Variants in SIPA1L1 observed in about 807,000 individuals in gnomAD.
The protein encoded by SIPA1L1 is signal-induced proliferation-associated 1-like protein 1.
SIPA1L1 carries 26 observed loss-of-function variants against 162.7 expected under a neutral mutation model. That is an observed-to-expected ratio of 0.16 (90% confidence interval 0.12 to 0.22). SIPA1L1 has a LOEUF of 0.22. SIPA1L1 is among the 10% of genes least tolerant of loss of function. The pLI is 1.00. For missense variants in SIPA1L1, 1,874 were observed against 2,241.0 expected, an observed-to-expected ratio of 0.84 and a Z score of 3.31; for synonymous variants, 829 against 837.4, an observed-to-expected ratio of 0.99 and a Z score of 0.17.
intron 7 of SIPA1L1, among the ~76,000 whole-genome samples, chr14:71,627,944 T>A (rs1456234843): frequency 3.3e-5 from 5 of 152,210 alleles, no homozygotes; most frequent in Non-Finnish European, 7.3e-5. Context: ...TTTTTTAATT[T>A]CTAACTAGGA....
intron 2 of SIPA1L1, among the ~76,000 whole-genome samples, chr14:71,440,000 C>T (rs986573130): frequency 3.9e-5 from 6 of 152,186 alleles, no homozygotes; most frequent in Non-Finnish European, 8.8e-5. Flanking sequence ...CAGTCATATA[C>T]AGGCCTTGCC....
At chr14:71,638,937 GC>G (rs2041432505) in intron 7 of SIPA1L1, among the ~76,000 whole-genome samples, 1 of 152,144 alleles carries the variant, frequency 6.6e-6, no homozygotes, top group South Asian at 2.1e-4. Context: ...GATAGCCTGT[GC>G]CTATAATCCC....
At chr14:71,489,599 A>G (rs577699575) in intron 2 of SIPA1L1, among the ~76,000 whole-genome samples, 1 of 152,300 alleles carries the variant, frequency 6.6e-6, no homozygotes, top group East Asian at 1.9e-4. Flanking sequence ...TGCCTAAATC[A>G]GGGATGTCCA....
chr14:71,348,701 A>T (rs1401893963), intron 2 of SIPA1L1, among the ~76,000 whole-genome samples: 2 of 152,232 alleles, frequency 1.3e-5, no homozygotes, highest in African/African-American at 4.8e-5. Context: ...AACTAAAAAG[A>T]GGCTAAACCC....
intron 2 of SIPA1L1, among the ~76,000 whole-genome samples, chr14:71,510,348 A>G (rs1325410891): frequency 6.6e-6 from 1 of 151,436 alleles, no homozygotes; most frequent in Non-Finnish European, 1.5e-5. Context: ...CACCACGCCC[A>G]GCTAATTTTT....
At chr14:71,704,330 A>G (rs1395857490) in intron 15 of SIPA1L1, among the ~76,000 whole-genome samples, 1 of 152,216 alleles carries the variant, frequency 6.6e-6, no homozygotes, top group East Asian at 1.9e-4. Flanking sequence ...TAAGAACAGC[A>G]TTCTCTAATG....
chr14:71,330,013 T>C (rs2034328923), intron 2 of SIPA1L1, among the ~76,000 whole-genome samples: 1 of 152,190 alleles, frequency 6.6e-6, no homozygotes, highest in Non-Finnish European at 1.5e-5. Context: ...AAGATTCTTT[T>C]GGCGACTGAT....
chr14:71,459,592 CTG>C (rs1256320512), intron 2 of SIPA1L1, among the ~76,000 whole-genome samples: 1 of 152,084 alleles, frequency 6.6e-6, no homozygotes, highest in African/African-American at 2.4e-5. Flanking sequence ...AACTTGGAGT[CTG>C]ATGTTCAAGG....
intron 7 of SIPA1L1, among the ~76,000 whole-genome samples, chr14:71,632,553 G>A (rs556113821): frequency 5.3e-5 from 8 of 152,298 alleles, no homozygotes; most frequent in South Asian, 2.1e-4. Flanking sequence ...CTTTCATCAC[G>A]GTGGAGTGGT....
At chr14:71,706,058 A>C (rs2082414795) in intron 16 of SIPA1L1, among the ~76,000 whole-genome samples, 1 of 152,168 alleles carries the variant, frequency 6.6e-6, no homozygotes, top group African/African-American at 2.4e-5. Flanking sequence ...ATTGTATTTC[A>C]TGCTTACTAG....
intron 12 of SIPA1L1, among the ~76,000 whole-genome samples, chr14:71,680,941 G>A (rs2045744424): frequency 6.6e-6 from 1 of 152,134 alleles, no homozygotes; most frequent in African/African-American, 2.4e-5. Flanking sequence ...TGATCCGTGG[G>A]GGTGGAGCCC....
At chr14:71,550,893 A>G (rs999611047) in intron 4 of SIPA1L1, among the ~76,000 whole-genome samples, 7 of 152,140 alleles carry the variant, frequency 4.6e-5, no homozygotes, top group Non-Finnish European at 1.0e-4. Context: ...TCTACAAAAA[A>G]TAAAGATTAG....
chr14:71,521,291 A>G (rs557099511), intron 3 of SIPA1L1, among the ~76,000 whole-genome samples: 1 of 152,348 alleles, frequency 6.6e-6, no homozygotes, highest in South Asian at 2.1e-4. Context: ...ATTAAGACCC[A>G]AAGAAGCAGG....
intron 5 of SIPA1L1, among the ~76,000 whole-genome samples, chr14:71,604,929 T>C (rs1187100564): frequency 6.6e-5 from 10 of 152,166 alleles, no homozygotes; most frequent in Admixed American, 6.5e-4. Context: ...CTAAATCTCT[T>C]GCTAGACTTG....
intron 2 of SIPA1L1, among the ~76,000 whole-genome samples, chr14:71,402,007 C>T (rs2041706034): frequency 6.6e-6 from 1 of 151,982 alleles, no homozygotes; most frequent in Admixed American, 6.6e-5. Flanking sequence ...CTGCATAATA[C>T]AATGGTAGAA....
At chr14:71,634,228 C>G (rs2040883501) in intron 7 of SIPA1L1, among the ~76,000 whole-genome samples, 1 of 151,728 alleles carries the variant, frequency 6.6e-6, no homozygotes, top group African/African-American at 2.4e-5. Flanking sequence ...TGGCGAAACC[C>G]TGTGTCTACT....
At chr14:71,564,927 T>C (rs1009356446) in intron 4 of SIPA1L1, among the ~76,000 whole-genome samples, 1 of 152,188 alleles carries the variant, frequency 6.6e-6, no homozygotes, top group African/African-American at 2.4e-5. Context: ...CACTTAAAGG[T>C]ATGTTTTTGG....
intron 2 of SIPA1L1, among the ~76,000 whole-genome samples, chr14:71,485,288 C>G (rs1057342837): frequency 2.6e-5 from 4 of 152,194 alleles, no homozygotes; most frequent in African/African-American, 9.7e-5. Flanking sequence ...GGGTCTCCAA[C>G]CCCCGGACCA....
intron 8 of SIPA1L1, 145 bp downstream of exon 8, chr14:71,650,654 G>A (rs1457667137): frequency 2.8e-6 from 2 of 723,192 alleles, no homozygotes; most frequent in East Asian, 5.4e-5. Flanking sequence ...GAGGGAGGAT[G>A]TAGCACCAGA....
Sources: allele counts gnomAD v4.1 joint callset (sites outside exome capture counted in the v4.1 genomes callset), GRCh38; gene constraint gnomAD v4.1.1; transcripts MANE v1.5; gene names NCBI Gene and HGNC (gene_info 2026-07-23, HGNC 2026-07-21).